Variants in DUSP22 observed in about 807,000 individuals in gnomAD.
DUSP22 encodes the protein dual specificity phosphatase 22.
In DUSP22, 24 loss-of-function variants were observed where a neutral mutation model predicts 24.5. The observed-to-expected ratio is 0.98, with a 90% CI of 0.71 to 1.38. The LOEUF is 1.38. Ranked by LOEUF, DUSP22 falls within the 40% of genes most tolerant of loss-of-function variation. The probability of loss-of-function intolerance (pLI) is 0.00; values close to 1 mark genes in which losing one functional copy is unlikely to be tolerated. For missense variants in DUSP22, 330 were observed against 269.2 expected, an observed-to-expected ratio of 1.23 and a Z score of -1.58; for synonymous variants, 160 against 106.4, an observed-to-expected ratio of 1.50 and a Z score of -3.10.
chr6:298,416 G>T (rs1446148490), intron 1 of DUSP22, among the ~76,000 whole-genome samples: 1 of 152,298 alleles, frequency 6.6e-6, no homozygotes, highest in East Asian at 1.9e-4. Flanking sequence ...GCCTTGGGCA[G>T]CTGCTTGCTC....
chr6:347,139 C>G (rs1295648764), intron 5 of DUSP22, among the ~76,000 whole-genome samples: 1 of 152,306 alleles, frequency 6.6e-6, no homozygotes, highest in African/African-American at 2.4e-5. Context: ...ACTCCCACTC[C>G]TGGGCTTCTC....
intron 3 of DUSP22, among the ~76,000 whole-genome samples, chr6:319,512 A>C (rs966876): frequency 6.6e-6 from 1 of 152,208 alleles, no homozygotes; most frequent in African/African-American, 2.4e-5. Context: ...TGTGTGATCT[A>C]TTTCTACCTG....
chr6:295,979 C>G lies in DUSP22; in HGVS notation c.21+3419C>G, dbSNP rs556538048. On this transcript the variant is annotated intron_variant, in intron 1 of 6. Transcript: ENST00000419235. ...AAGTAATGCCAGGCAGGGCAGAACC[C>G]AGTCTCCACTGATTTTGAAGATAGG... Among the ~76,000 whole-genome samples the G allele has an allele frequency of 2.6e-5, 4 of 152,388 alleles. No individual in the cohort carries two copies. In the South Asian group the frequency reaches 8.3e-4, roughly 32 times the overall value.
intron 3 of DUSP22, among the ~76,000 whole-genome samples, chr6:326,660 C>G (rs1431228249): frequency 6.6e-6 from 1 of 152,306 alleles, no homozygotes; most frequent in Non-Finnish European, 1.5e-5. Flanking sequence ...GAGTCACTGG[C>G]AAATCCTGTC....
At chr6:315,401 T>C (rs542281089) in intron 3 of DUSP22, among the ~76,000 whole-genome samples, 35 of 152,398 alleles carry the variant, frequency 2.3e-4, no homozygotes, top group African/African-American at 8.2e-4. Flanking sequence ...AGGAAAGGAC[T>C]TGCCTGGGAT....
intron 2 of DUSP22, among the ~76,000 whole-genome samples, chr6:306,197 G>A (rs1351349608): frequency 1.3e-5 from 2 of 152,422 alleles, no homozygotes; most frequent in Admixed American, 6.5e-5. Flanking sequence ...CATGGGGAAA[G>A]GGAGTGTCTT....
intron 2 of DUSP22, among the ~76,000 whole-genome samples, chr6:308,748 A>G (rs958810310): frequency 6.6e-6 from 1 of 152,306 alleles, no homozygotes; most frequent in Non-Finnish European, 1.5e-5. Context: ...AAACCATTGA[A>G]TCATATACTT....
At chr6:303,631 G>A (rs1052807835) in intron 1 of DUSP22, among the ~76,000 whole-genome samples, 3 of 152,302 alleles carry the variant, frequency 2.0e-5, no homozygotes, top group South Asian at 2.1e-4. Context: ...GTGGTGAAGC[G>A]TCACCAAGAC....
chr6:309,679 A>AACACACAC (rs759885887), intron 2 of DUSP22, among the ~76,000 whole-genome samples: 1,464 of 136,706 alleles, frequency 0.011, 1 homozygote, highest in Admixed American at 0.027. Flanking sequence ...ACTCATGTAG[A>AACACACAC]ACACACACAC....
At chr6:333,475 G>A (rs1009096089) in intron 3 of DUSP22, among the ~76,000 whole-genome samples, 2 of 152,302 alleles carry the variant, frequency 1.3e-5, no homozygotes, top group Admixed American at 6.5e-5. Flanking sequence ...TACAGAAACT[G>A]TGAGGGGAAA....
intron 4 of DUSP22, among the ~76,000 whole-genome samples, chr6:342,747 A>C (rs1759669255): frequency 6.6e-6 from 1 of 152,308 alleles, no homozygotes; most frequent in African/African-American, 2.4e-5. Flanking sequence ...TCAGGGGCAG[A>C]GATAGATCAC....
intron 3 of DUSP22, among the ~76,000 whole-genome samples, chr6:312,907 A>G (rs924883742): frequency 6.6e-6 from 1 of 152,276 alleles, no homozygotes; most frequent in Non-Finnish European, 1.5e-5. Context: ...TGGTGAACAA[A>G]CCTCAATTAA....
chr6:316,087 G>T (rs1758324822), intron 3 of DUSP22, among the ~76,000 whole-genome samples: 1 of 152,304 alleles, frequency 6.6e-6, no homozygotes, highest in Non-Finnish European at 1.5e-5. Flanking sequence ...AGCTGGTGGA[G>T]AATGCCAGGA....
chr6:343,866 T>C (rs1373011511), intron 4 of DUSP22, among the ~76,000 whole-genome samples: 2 of 152,306 alleles, frequency 1.3e-5, no homozygotes. Flanking sequence ...GCCCTGGCAT[T>C]CTGAATGTCT....
At chr6:327,711 G>T (rs374063794) in intron 3 of DUSP22, among the ~76,000 whole-genome samples, 4 of 152,302 alleles carry the variant, frequency 2.6e-5, no homozygotes, top group East Asian at 1.9e-4. Flanking sequence ...GTGAGGGAAG[G>T]CTCCACAGAG....
chr6:305,588 A>G (rs866760311), intron 2 of DUSP22, among the ~76,000 whole-genome samples: 1 of 152,292 alleles, frequency 6.6e-6, no homozygotes, highest in African/African-American at 2.4e-5. Flanking sequence ...ACTGTCAGCT[A>G]TTGACTCTAT....
chr6:326,873 A>G (rs986819336), intron 3 of DUSP22, among the ~76,000 whole-genome samples: 8 of 152,428 alleles, frequency 5.2e-5, no homozygotes, highest in South Asian at 4.1e-4. Context: ...ATCAGATGTC[A>G]TTTAAATGGA....
In DUSP22 at chr6:350,412, A is replaced by G. The variant is rs1760140637; in HGVS notation, c.*1461A>G. 1.3e-5 allele frequency: 14 copies of G among 1,110,456 alleles called. No homozygotes were observed. The highest frequency in any genetic ancestry group is 1.5e-5 in the Non-Finnish European group (14 of 906,420). The allele number at this position is 1,110,456 out of a possible 1,614,324, so 68.8% of individuals were successfully genotyped here. On this transcript the variant is annotated 3_prime_UTR_variant, in exon 7 of 7. Coordinates refer to ENST00000419235, the MANE Select transcript of DUSP22 (RefSeq NM_001286555.3). The stretch of plus-strand genomic sequence containing the variant: ...TCACTCGAATGAAAAAACATACTCG[A>G]CCTCTCCCTAAAAAGATGTTGCAAC...
At chr6:302,508 G>T (rs576325173) in intron 1 of DUSP22, among the ~76,000 whole-genome samples, 1 of 152,304 alleles carries the variant, frequency 6.6e-6, no homozygotes, top group South Asian at 2.1e-4. Flanking sequence ...TCCCCAGGAA[G>T]CCCTCTGCGA....
Sources: gnomAD v4.1 joint callset for allele counts (sites outside exome capture counted in the v4.1 genomes callset) on GRCh38, gnomAD v4.1.1 for gene constraint, MANE v1.5 for transcripts, NCBI Gene and HGNC (gene_info 2026-07-23, HGNC 2026-07-21) for gene names.